PRUNE2: variants seen among roughly 807,000 people sequenced by gnomAD.
The protein encoded by PRUNE2 is protein prune homolog 2.
In PRUNE2, 164 loss-of-function variants were observed where a neutral mutation model predicts 252.0. The ratio of observed to expected loss-of-function variants is 0.65; its 90% CI spans 0.57 to 0.74. PRUNE2 has a LOEUF of 0.74. Ranked by LOEUF, PRUNE2 falls within the 30% of genes least tolerant of loss-of-function variation. The pLI, the probability that PRUNE2 is intolerant of heterozygous loss-of-function variation, is 0.00. For synonymous variants in PRUNE2, 1,292 were observed against 1,350.2 expected, an observed-to-expected ratio of 0.96 and a Z score of 0.94; for missense variants, 3,495 against 3,711.0, an observed-to-expected ratio of 0.94 and a Z score of 1.51.
chr9:76,842,738 C>G (rs1262152975), intron 4 of PRUNE2, among the ~76,000 whole-genome samples: 1 of 152,220 alleles, frequency 6.6e-6, no homozygotes, highest in Non-Finnish European at 1.5e-5. Flanking sequence ...CTCATCATCA[C>G]TCATCATTAG....
chr9:76,867,713 C>T (rs140707624), intron 1 of PRUNE2, among the ~76,000 whole-genome samples: 1,694 of 152,130 alleles, frequency 0.011, 35 homozygotes, highest in African/African-American at 0.038. Context: ...GGATTACAGG[C>T]GCGTGCCACC....
chr9:76,645,843 T>G (rs1844620576), intron 11 of PRUNE2, among the ~76,000 whole-genome samples: 1 of 152,218 alleles, frequency 6.6e-6, no homozygotes, highest in Admixed American at 6.5e-5. Context: ...ACCATTGAAT[T>G]TACACTGCAT....
intron 6 of PRUNE2, among the ~76,000 whole-genome samples, chr9:76,774,450 C>CTTTTTTTATTTATTTATTTTTTTTTT (rs1564272256): frequency 1.9e-4 from 8 of 41,394 alleles, no homozygotes; most frequent in Non-Finnish European, 1.9e-4. Flanking sequence ...CAGTTCAACC[C>CTTTTTTTATTTATTTATTTTTTTTTT]TTTTTTTTTT....
chr9:76,878,013 C>T (rs1416456798), intron 1 of PRUNE2, among the ~76,000 whole-genome samples: 1 of 152,184 alleles, frequency 6.6e-6, no homozygotes, highest in African/African-American at 2.4e-5. Context: ...TCAAGCAAGG[C>T]AGAGGTAGGA....
chr9:76,666,138 C>G (rs1284298296), intron 9 of PRUNE2, among the ~76,000 whole-genome samples: 1 of 152,132 alleles, frequency 6.6e-6, no homozygotes. Flanking sequence ...CGGACAGGGC[C>G]ACCAGAGGGC....
At chr9:76,691,938 G>T in intron 9 of PRUNE2, 1 of 632,628 alleles carries the variant, frequency 1.6e-6, no homozygotes, top group South Asian at 1.9e-5. Context: ...GGCAGAATTC[G>T]GCATCCTCTC....
intron 1 of PRUNE2, among the ~76,000 whole-genome samples, chr9:76,866,904 C>T (rs773593595): frequency 2.6e-5 from 4 of 152,036 alleles, no homozygotes; most frequent in Non-Finnish European, 4.4e-5. Flanking sequence ...CCTTTCCGCC[C>T]GGTGCTGTGA....
At chr9:76,677,482 C>T (rs2042803381) in intron 9 of PRUNE2, among the ~76,000 whole-genome samples, 1 of 152,148 alleles carries the variant, frequency 6.6e-6, no homozygotes, top group Non-Finnish European at 1.5e-5. Context: ...GAAACATTTC[C>T]ATCTGGATGA....
At chr9:76,649,079 G>A (rs1413862307) in intron 11 of PRUNE2, among the ~76,000 whole-genome samples, 1 of 152,148 alleles carries the variant, frequency 6.6e-6, no homozygotes, top group Non-Finnish European at 1.5e-5. Context: ...ACAGGTACAG[G>A]AAAACTCTGT....
intron 9 of PRUNE2, among the ~76,000 whole-genome samples, chr9:76,696,866 G>A (rs932926176): frequency 1.6e-4 from 24 of 152,286 alleles, no homozygotes; most frequent in South Asian, 4.2e-4. Flanking sequence ...GTCTTTCTGG[G>A]TTCTGGTCAT....
chr9:76,661,877 T>G (rs1588298021), intron 9 of PRUNE2, among the ~76,000 whole-genome samples: 1 of 146,298 alleles, frequency 6.8e-6, no homozygotes, highest in Non-Finnish European at 1.5e-5. Context: ...AAAACACAGT[T>G]TTTTTTTTTT....
chr9:76,850,894 G>A (rs920383377), intron 2 of PRUNE2, among the ~76,000 whole-genome samples: 2 of 151,660 alleles, frequency 1.3e-5, no homozygotes, highest in Admixed American at 1.3e-4. Context: ...AACATCTCAT[G>A]CTTTATTTTA....
At chr9:76,627,296 T>TGGGGGGGG (rs11386935) in intron 16 of PRUNE2, among the ~76,000 whole-genome samples, 1 of 130,582 alleles carries the variant, frequency 7.7e-6, no homozygotes, top group Non-Finnish European at 1.7e-5. Context: ...AGAGATGGGG[T>TGGGGGGGG]GGCGGGGGGC....
At chr9:76,854,065 A>G (rs1364793427) in intron 2 of PRUNE2, 39 bp downstream of exon 2, 1 of 985,562 alleles carries the variant, frequency 1.0e-6, no homozygotes, top group African/African-American at 1.6e-5. Context: ...GTTACATAAT[A>G]ATTCAAAATA....
At chr9:76,699,168 T>C (rs1379027520) in intron 9 of PRUNE2, among the ~76,000 whole-genome samples, 1 of 152,110 alleles carries the variant, frequency 6.6e-6, no homozygotes, top group African/African-American at 2.4e-5. Flanking sequence ...ATTTCCTTGC[T>C]CATATCTATG....
chr9:76,739,074 C>T (rs1244141177), intron 6 of PRUNE2: 1 of 152,138 alleles, frequency 6.6e-6, no homozygotes, highest in African/African-American at 2.4e-5. Context: ...GAGCTAAGAG[C>T]TTAAGGGCCT....
intron 9 of PRUNE2, among the ~76,000 whole-genome samples, chr9:76,658,414 G>T (rs984151261): frequency 6.6e-6 from 1 of 152,190 alleles, no homozygotes; most frequent in Non-Finnish European, 1.5e-5. Flanking sequence ...TGGGACAGAG[G>T]GAAAGCTGAG....
At position 76,801,566 on chromosome 9, in the gene PRUNE2, G is replaced by A. The variant is rs116064697; in HGVS notation, c.756+22066C>T. The stretch of plus-strand genomic sequence containing the variant: ...TCATTCTGGAATCTAATCTAAAAAC[G>A]AACATACCTATCTCTTAAATCTTAC... On this transcript the variant is annotated intron_variant, in intron 6 of 18. Transcript: ENST00000376718. Among the ~76,000 whole-genome samples, 1,173 of 151,760 alleles carry A rather than the reference G, an allele frequency of 7.7e-3. 13 individuals are homozygous for A. The highest frequency in any genetic ancestry group is 0.027 in the African/African-American group (1,107 of 41,362).
chr9:76,631,210 AGACT>A (rs1336623182), intron 15 of PRUNE2, among the ~76,000 whole-genome samples: 2 of 152,206 alleles, frequency 1.3e-5, no homozygotes, highest in Non-Finnish European at 2.9e-5. Context: ...TTTTGATAAA[AGACT>A]GAGTGGGTGA....
Sources: allele counts gnomAD v4.1 joint callset (sites outside exome capture counted in the v4.1 genomes callset), GRCh38; gene constraint gnomAD v4.1.1; transcripts MANE v1.5; gene names NCBI Gene and HGNC (gene_info 2026-07-23, HGNC 2026-07-21).